Variants in KDM7A observed in about 807,000 individuals in gnomAD.
KDM7A encodes the protein lysine-specific demethylase 7A.
In KDM7A, 28 loss-of-function variants were observed where a neutral mutation model predicts 114.8. The observed-to-expected ratio is 0.24, with a 90% CI of 0.18 to 0.33. The LOEUF is 0.33. Among genes scored for constraint, KDM7A ranks in the 10% least tolerant of loss-of-function variants. The probability of loss-of-function intolerance (pLI) is 1.00; values close to 1 mark genes in which losing one functional copy is unlikely to be tolerated. For missense variants in KDM7A, 942 were observed against 1,142.5 expected (o/e 0.82, Z 2.53); for synonymous variants, 423 against 397.8 (o/e 1.06, Z -0.75).
chr7:140,100,557 T>A (rs1444179318), intron 12 of KDM7A, among the ~76,000 whole-genome samples: 3 of 148,736 alleles, frequency 2.0e-5, no homozygotes, highest in Non-Finnish European at 4.5e-5. Context: ...TAATAATAAA[T>A]AGAACCTTTC....
chr7:140,162,267 G>A (rs908865573), intron 1 of KDM7A, among the ~76,000 whole-genome samples: 1 of 151,818 alleles, frequency 6.6e-6, no homozygotes, highest in African/African-American at 2.4e-5. Context: ...CCCAGGAGGC[G>A]GAAGTTGTGG....
chr7:140,164,035 C>CA (rs961490418), intron 1 of KDM7A, among the ~76,000 whole-genome samples: 1 of 152,108 alleles, frequency 6.6e-6, no homozygotes, highest in Non-Finnish European at 1.5e-5. Flanking sequence ...GAGAAACAAC[C>CA]AGACATTTTA....
intron 11 of KDM7A, among the ~76,000 whole-genome samples, chr7:140,110,830 T>C (rs898339464): frequency 1.1e-4 from 16 of 152,230 alleles, no homozygotes; most frequent in Admixed American, 8.5e-4. Context: ...CTACTGTTTA[T>C]ACTCTGTATT....
At chr7:140,137,247 TAATTACTC>T (rs1019255528) in intron 2 of KDM7A, among the ~76,000 whole-genome samples, 20 of 152,304 alleles carry the variant, frequency 1.3e-4, no homozygotes, top group African/African-American at 4.6e-4. Context: ...CTCCAAAGCA[TAATTACTC>T]AAAGTTAAGT....
intron 7 of KDM7A, among the ~76,000 whole-genome samples, chr7:140,122,494 A>G (rs1818631698): frequency 1.3e-5 from 2 of 152,206 alleles, no homozygotes; most frequent in Non-Finnish European, 2.9e-5. Flanking sequence ...TAATCTAGGC[A>G]AATATTCTGG....
At chr7:140,156,249 TCTA>T (rs1794456646) in intron 1 of KDM7A, among the ~76,000 whole-genome samples, 1 of 152,200 alleles carries the variant, frequency 6.6e-6, no homozygotes, top group African/African-American at 2.4e-5. Flanking sequence ...GCTTTCATAT[TCTA>T]CTTTGACAGC....
rs747015524 is a variant in KDM7A, at chr7:140,092,081, AAGG to A, written c.2458-7_2458-5del. On this transcript the variant is annotated splice_polypyrimidine_tract_variant and splice_region_variant and intron_variant, in intron 18 of 19. Coordinates refer to ENST00000397560, the MANE Select transcript of KDM7A (RefSeq NM_030647.2). ...ATTTCTGGCTTCTACTTAGATCCTGAAGGAGGAGGAAGGACATGAGGCTGAATT... is the reference window on the plus strand; with the variant it reads ...ATTTCTGGCTTCTACTTAGATCCTGAAGGAGGAAGGACATGAGGCTGAATT... 3.7e-6 allele frequency: 6 copies of A among 1,613,526 alleles called. No homozygotes were observed. The highest frequency in any genetic ancestry group is 5.1e-6 in the Non-Finnish European group (6 of 1,179,684).
chr7:140,144,192 G>A (rs1794315018), intron 1 of KDM7A, among the ~76,000 whole-genome samples: 1 of 152,166 alleles, frequency 6.6e-6, no homozygotes, highest in Non-Finnish European at 1.5e-5. Flanking sequence ...TGAGAGTCCA[G>A]AAATAAACTC....
intron 1 of KDM7A, among the ~76,000 whole-genome samples, chr7:140,174,403 C>T (rs1313609423): frequency 6.6e-6 from 1 of 152,096 alleles, no homozygotes; most frequent in Non-Finnish European, 1.5e-5. Flanking sequence ...TTTGGCCTTG[C>T]TCTCCCTCCT....
chr7:140,115,711 T>C (rs1472132691), intron 9 of KDM7A, among the ~76,000 whole-genome samples: 1 of 151,698 alleles, frequency 6.6e-6, no homozygotes, highest in Non-Finnish European at 1.5e-5. Context: ...TTCACTTGTT[T>C]ATCTGCTGAC....
rs1794574084 is a variant in KDM7A, at chr7:140,166,286, C to G, written c.194+10458G>C. Among the ~76,000 whole-genome samples, 2 of 151,726 alleles carry G rather than the reference C, an allele frequency of 1.3e-5. 1 individual carries two copies. Among genetic ancestry groups the G allele is most frequent in the South Asian group, 4.2e-4 (2 of 4,814 alleles). ...AGGAGCCTTTGATAAAACTCAACAT[C>G]CATTCATGATAAAACTACGTACATA... is the stretch of plus-strand genomic sequence containing the variant. On this transcript the variant is annotated intron_variant, in intron 1 of 19. Transcript: ENST00000397560.
chr7:140,103,270 A>C (rs889414495), intron 11 of KDM7A, among the ~76,000 whole-genome samples: 8 of 151,748 alleles, frequency 5.3e-5, no homozygotes, highest in African/African-American at 1.5e-4. Flanking sequence ...AAATATCTTC[A>C]AGGTTCATCC....
chr7:140,146,394 C>A (rs1347744845), intron 1 of KDM7A, among the ~76,000 whole-genome samples: 1 of 152,188 alleles, frequency 6.6e-6, no homozygotes, highest in African/African-American at 2.4e-5. Context: ...CCATCCTTCA[C>A]TCACTGCCTC....
Position 140,097,518 on chromosome 7 carries a change from G to A in KDM7A, c.2016+27C>T, listed in dbSNP as rs369061996. ...GGTGCTCATCTTTCCATCAAATAAC[G>A]TACAAGCCATGGGGTCTCAGGCGTA... On this transcript the variant is annotated intron_variant, in intron 15 of 19. Transcript: ENST00000397560. 1.1e-5 allele frequency: 14 copies of A among 1,229,490 alleles called. No homozygotes were observed. The African/African-American group carries it at 1.5e-4, about 13-fold the overall frequency. The allele number at this position is 1,229,490 out of a possible 1,614,324, so 76.2% of individuals were successfully genotyped here.
intron 9 of KDM7A, among the ~76,000 whole-genome samples, chr7:140,118,599 T>C (rs762432717): frequency 2.7e-4 from 40 of 148,664 alleles, no homozygotes; most frequent in Non-Finnish European, 5.4e-4. Flanking sequence ...TTTTTTTTAG[T>C]AGAGACAGGA....
chr7:140,175,368 A>AG (rs201961991), intron 1 of KDM7A, among the ~76,000 whole-genome samples: 22 of 151,968 alleles, frequency 1.4e-4, no homozygotes, highest in Admixed American at 2.6e-4. Flanking sequence ...AAAATTGGGG[A>AG]GGGGGGGAGC....
At chr7:140,094,509 G>GAA (rs1286374125) in intron 17 of KDM7A, among the ~76,000 whole-genome samples, 1 of 145,786 alleles carries the variant, frequency 6.9e-6, no homozygotes, top group Non-Finnish European at 1.5e-5. Flanking sequence ...CATCTTGGGG[G>GAA]AAAAAAAAAA....
intron 1 of KDM7A, among the ~76,000 whole-genome samples, chr7:140,141,877 C>T (rs564398408): frequency 1.3e-5 from 2 of 150,822 alleles, no homozygotes; most frequent in Admixed American, 1.3e-4. Context: ...CTGGGTGATA[C>T]AGTGAGACTC....
chr7:140,157,706 G>A (rs1378853501), intron 1 of KDM7A, among the ~76,000 whole-genome samples: 1 of 151,782 alleles, frequency 6.6e-6, no homozygotes, highest in Non-Finnish European at 1.5e-5. Context: ...GCTCATGCCT[G>A]TAATCCCAGC....
Sources: gnomAD v4.1 joint callset for allele counts (sites outside exome capture counted in the v4.1 genomes callset) on GRCh38, gnomAD v4.1.1 for gene constraint, MANE v1.5 for transcripts, NCBI Gene and HGNC (gene_info 2026-07-23, HGNC 2026-07-21) for gene names.